The following SHROOM3 variants were observed in gnomAD, a reference collection of about 807,000 sequenced individuals.
SHROOM3 encodes the protein protein Shroom3.
SHROOM3 carries 47 observed loss-of-function variants against 138.6 expected under a neutral mutation model. The observed-to-expected ratio is 0.34, with a 90% confidence interval of 0.27 to 0.43. The LOEUF (loss-of-function observed/expected upper bound fraction) is 0.43, where lower values mean the gene tolerates loss of function less well. Ranked by LOEUF, SHROOM3 falls within the 20% of genes least tolerant of loss-of-function variation. The pLI is 1.00. For synonymous variants in SHROOM3, 1,062 were observed against 1,063.3 expected, an observed-to-expected ratio of 1.00 and a Z score of 0.02; for missense variants, 2,491 against 2,596.5, an observed-to-expected ratio of 0.96 and a Z score of 0.88.
intron 5 of SHROOM3, among the ~76,000 whole-genome samples, chr4:76,743,701 A>T (rs560550339): frequency 6.6e-6 from 1 of 152,256 alleles, no homozygotes; most frequent in South Asian, 2.1e-4. Flanking sequence ...CCCCTCCCAG[A>T]TGTTTTCTGT....
At chr4:76,641,306 T>C (rs1419154629) in intron 2 of SHROOM3, among the ~76,000 whole-genome samples, 1 of 152,142 alleles carries the variant, frequency 6.6e-6, no homozygotes, top group Non-Finnish European at 1.5e-5. Context: ...GATTTTAGTT[T>C]AAGGACTCTC....
chr4:76,595,550 T>C (rs1387838837), intron 2 of SHROOM3, among the ~76,000 whole-genome samples: 1 of 152,196 alleles, frequency 6.6e-6, no homozygotes, highest in African/African-American at 2.4e-5. Flanking sequence ...GTGTATTTCA[T>C]CAAGAATGAG....
At chr4:76,692,768 C>T (rs1719595021) in intron 2 of SHROOM3, among the ~76,000 whole-genome samples, 1 of 152,174 alleles carries the variant, frequency 6.6e-6, no homozygotes, top group Non-Finnish European at 1.5e-5. Flanking sequence ...TAATAATAAG[C>T]AATTCTATTC....
intron 1 of SHROOM3, among the ~76,000 whole-genome samples, chr4:76,441,239 C>A (rs1018379883): frequency 3.3e-5 from 5 of 151,904 alleles, no homozygotes; most frequent in Non-Finnish European, 7.4e-5. Flanking sequence ...GGACTACAGG[C>A]GCCTGCCACA....
chr4:76,730,757 G>C (rs754467248), intron 3 of SHROOM3, 47 bp from the exon 4 acceptor site: 1 of 1,612,592 alleles, frequency 6.2e-7, no homozygotes, highest in South Asian at 1.1e-5. Context: ...AGGAGACTCA[G>C]CTGAGACTTT....
At chr4:76,488,058 A>T (rs1731768677) in intron 1 of SHROOM3, among the ~76,000 whole-genome samples, 1 of 152,216 alleles carries the variant, frequency 6.6e-6, no homozygotes, top group Non-Finnish European at 1.5e-5. Context: ...AAGAAGCTGC[A>T]GTTGACTTCC....
intron 1 of SHROOM3, among the ~76,000 whole-genome samples, chr4:76,479,850 A>G (rs562111767): frequency 3.2e-4 from 49 of 152,290 alleles, no homozygotes; most frequent in Non-Finnish European, 5.4e-4. Flanking sequence ...AGAATTTTCA[A>G]CCCAGAATTT....
chr4:76,595,808 C>A (rs1270477015), intron 2 of SHROOM3, among the ~76,000 whole-genome samples: 1 of 152,156 alleles, frequency 6.6e-6, no homozygotes, highest in Non-Finnish European at 1.5e-5. Context: ...GGACAGTAAC[C>A]ATTGAGTAAA....
rs750703258 is a variant in SHROOM3 at position 76,672,145 on chromosome 4, C to T, written c.324-38011C>T. On this transcript the variant is annotated intron_variant, in intron 2 of 10. Transcript: ENST00000296043. ...TGAAGGACACAGTGAGAAAGAAAGT[C>T]AAGATGATTTATCCCTCTAAAAAAA... Among the ~76,000 whole-genome samples, 12 of 151,986 alleles carry T rather than the reference C, an allele frequency of 7.9e-5. 1 individual carries two copies. Among genetic ancestry groups the T allele is most frequent in the Non-Finnish European group, 1.3e-4 (9 of 68,008 alleles).
At chr4:76,530,109 C>T (rs1354550667) in intron 1 of SHROOM3, among the ~76,000 whole-genome samples, 1 of 152,178 alleles carries the variant, frequency 6.6e-6, no homozygotes, top group Non-Finnish European at 1.5e-5. Context: ...CACTTTTCTT[C>T]AGAGATTCTC....
chr4:76,511,585 G>T (rs1732337942), intron 1 of SHROOM3, among the ~76,000 whole-genome samples: 1 of 152,162 alleles, frequency 6.6e-6, no homozygotes, highest in South Asian at 2.1e-4. Context: ...CAGGGGTCTT[G>T]CTGGCAGAAT....
intron 1 of SHROOM3, among the ~76,000 whole-genome samples, chr4:76,553,681 G>A (rs1733416003): frequency 2.0e-5 from 3 of 152,118 alleles, no homozygotes; most frequent in Admixed American, 1.3e-4. Context: ...AGTAGAGACA[G>A]GGTTTCACCA....
At chr4:76,698,619 G>A (rs1577980958) in intron 2 of SHROOM3, among the ~76,000 whole-genome samples, 1 of 152,108 alleles carries the variant, frequency 6.6e-6, no homozygotes, top group Non-Finnish European at 1.5e-5. Flanking sequence ...CTACCCCAGA[G>A]CCTGAAGTAG....
At chr4:76,776,517 C>G (rs1722576777) in intron 10 of SHROOM3, among the ~76,000 whole-genome samples, 1 of 152,148 alleles carries the variant, frequency 6.6e-6, no homozygotes, top group Non-Finnish European at 1.5e-5. Context: ...GAACTCTTTG[C>G]CGAAGCCAAT....
At chr4:76,652,805 G>A (rs982571874) in intron 2 of SHROOM3, among the ~76,000 whole-genome samples, 5 of 151,862 alleles carry the variant, frequency 3.3e-5, no homozygotes, top group Non-Finnish European at 4.4e-5. Context: ...AAGTGTGTGT[G>A]TGTATATATA....
intron 2 of SHROOM3, chr4:76,587,325 G>A (rs554451691): frequency 2.0e-5 from 3 of 152,188 alleles, no homozygotes; most frequent in Admixed American, 2.0e-4. Flanking sequence ...AGGAAGGAAG[G>A]TAATTTTCCC....
intron 2 of SHROOM3, among the ~76,000 whole-genome samples, chr4:76,707,777 G>T (rs762802083): frequency 5.9e-5 from 9 of 151,682 alleles, no homozygotes; most frequent in Non-Finnish European, 1.0e-4. Flanking sequence ...TTCACTATGG[G>T]TTTTTTTTCT....
chr4:76,614,260 T>C (rs1409081564), intron 2 of SHROOM3, among the ~76,000 whole-genome samples: 1 of 152,048 alleles, frequency 6.6e-6, no homozygotes, highest in Non-Finnish European at 1.5e-5. Flanking sequence ...TTCACCATGT[T>C]AGCCAGGATG....
At chr4:76,437,598 T>C (rs1730587878) in intron 1 of SHROOM3, among the ~76,000 whole-genome samples, 1 of 152,212 alleles carries the variant, frequency 6.6e-6, no homozygotes, top group Non-Finnish European at 1.5e-5. Flanking sequence ...ACCAGAACTG[T>C]ACCCTGTGCC....
Sources: gnomAD v4.1 joint callset for allele counts (sites outside exome capture counted in the v4.1 genomes callset) on GRCh38, gnomAD v4.1.1 for gene constraint, MANE v1.5 for transcripts, NCBI Gene and HGNC (gene_info 2026-07-23, HGNC 2026-07-21) for gene names.